The following PAPLN variants were observed in gnomAD, a reference collection of about 807,000 sequenced individuals.
PAPLN encodes the protein papilin.
PAPLN carries 146 observed loss-of-function variants against 159.0 expected under a neutral mutation model. That is an observed-to-expected ratio of 0.92 (90% CI 0.80 to 1.05). The LOEUF is 1.05. Ranked by LOEUF, PAPLN falls within the 50% of genes least tolerant of loss-of-function variation. The pLI is 0.00. For missense variants in PAPLN, 1,720 were observed against 1,743.9 expected (o/e 0.99, Z 0.24); for synonymous variants, 734 against 702.9 (o/e 1.04, Z -0.70).
rs924732301 is a variant in PAPLN, at chr14:73,251,339, G to A, written c.590-147G>A. 2.0e-5 allele frequency: 19 copies of A among 947,862 alleles called. 1 individual carries two copies. Among genetic ancestry groups the A allele is most frequent in the Non-Finnish European group, 2.8e-5 (18 of 642,558 alleles). The allele number at this position is 947,862 out of a possible 1,614,324, so 58.7% of individuals were successfully genotyped here. A position where few individuals can be genotyped will look rare whatever the true frequency, so the allele number is the denominator to read the frequency against. ...TTGTACTGCGGCCTCTTCTGCCAGG[G>A]TTGCCTTTCCCAGCAGCTCGGCCCT... On this transcript the variant is annotated intron_variant, in intron 7 of 26. Transcript: ENST00000644200.
In PAPLN at chr14:73,262,660, G is replaced by C. The variant is rs750816501; in HGVS notation, c.2556G>C (p.Trp852Cys). The C allele has an allele frequency of 1.3e-5, 20 of 1,503,094 alleles. No homozygotes were observed. The highest frequency in any genetic ancestry group is 1.8e-5 in the Non-Finnish European group (20 of 1,123,274). The allele number at this position is 1,503,094 out of a possible 1,614,324, so 93.1% of individuals were successfully genotyped here. Residue 852 changes from tryptophan to cysteine, a missense_variant, in exon 19 of 27, where the codon TGG becomes TGC. By Grantham distance (215) the Trp-to-Cys change is radical. Coordinates refer to ENST00000644200, the MANE Select transcript of PAPLN (RefSeq NM_001365906.3). ...GGGCCGCGGTGCAGAGAAAGCCCTG[G>C]CCTTCTGGTGGTCTCTGGCGGCAAG... ...RTGAAVQRKP[W>C]PSGGLWRQDQ...
Position 73,245,389 on chromosome 14 carries a change from A to G in PAPLN, c.171-247A>G. ...TTCTCTGGGAATCTGCCTAAGATGC[A>G]GTGGAGTGGTCCCGCCTTAAATCCA... On this transcript the variant is annotated intron_variant, in intron 3 of 26. Coordinates refer to ENST00000644200, the MANE Select transcript of PAPLN (RefSeq NM_001365906.3). The surrounding 1 kb of genome is among the most constrained non-coding windows in gnomAD (Gnocchi z 4.2). The G allele has an allele frequency of 1.8e-6, 1 of 540,784 alleles. No homozygotes were observed. Among genetic ancestry groups the G allele is most frequent in the Non-Finnish European group, 3.3e-6 (1 of 301,082 alleles). 33.5% of individuals were successfully genotyped at this position (540,784 alleles called of 1,614,324 possible).
Position 73,245,428 on chromosome 14 carries a change from G to A in PAPLN, c.171-208G>A. ...GCCTTAAATCCAAACTATAGGGTGG[G>A]TAGGGCTCTGAGTCCCGCTTCTCTG... is the stretch of plus-strand genomic sequence containing the variant. On this transcript the variant is annotated intron_variant, in intron 3 of 26. Transcript: ENST00000644200. This position sits in a 1 kb window ranked among gnomAD's most constrained non-coding sequence, Gnocchi z 4.2. The A allele has an allele frequency of 1.7e-6, 1 of 585,084 alleles. No homozygotes were observed. The highest frequency in any genetic ancestry group is 3.0e-6 in the Non-Finnish European group (1 of 328,482). The allele number at this position is 585,084 out of a possible 1,614,324, so 36.2% of individuals were successfully genotyped here.
rs199665723 is a variant in PAPLN at position 73,259,257 on chromosome 14, T to G, written c.1709-12T>G. ...GTGGACGCACTGTGTGTCTTTTGCTTCTTCTTTCTAGACTCCAGAGGCCAG... is the reference window on the plus strand; with the variant it reads ...GTGGACGCACTGTGTGTCTTTTGCTGCTTCTTTCTAGACTCCAGAGGCCAG... On this transcript the variant is annotated splice_polypyrimidine_tract_variant and intron_variant, in intron 15 of 26. Coordinates refer to ENST00000644200, the MANE Select transcript of PAPLN (RefSeq NM_001365906.3). The G allele has an allele frequency of 1.1e-5, 17 of 1,539,154 alleles. No homozygotes were observed. The highest frequency in any genetic ancestry group is 1.3e-5 in the South Asian group (1 of 79,826).
intron 22 of PAPLN, 39 bp downstream of exon 22, chr14:73,264,765 C>T: frequency 6.2e-7 from 1 of 1,608,632 alleles, no homozygotes; most frequent in Non-Finnish European, 8.5e-7. Context: ...TCCCCCACGC[C>T]AGGGCCAGGG....
rs770602211 is a variant in PAPLN, at chr14:73,266,484, C to G, written c.3264-17C>G. 46 of 1,613,182 alleles carry G rather than the reference C, an allele frequency of 2.9e-5. No individual in the cohort carries two copies. The highest frequency in any genetic ancestry group is 3.9e-5 in the Non-Finnish European group (46 of 1,179,612). On this transcript the variant is annotated splice_polypyrimidine_tract_variant and intron_variant, in intron 23 of 26. Coordinates refer to ENST00000644200, the MANE Select transcript of PAPLN (RefSeq NM_001365906.3). ...GGCTCCTTGGGCTGGAGCCAACTGG[C>G]TGTACTTGGTCCCCAGACACCAGCT...
chr14:73,246,326 G>A, intron 5 of PAPLN, 151 bp downstream of exon 5: 1 of 669,964 alleles, frequency 1.5e-6, no homozygotes, highest in Non-Finnish European at 2.2e-6. Context: ...GAACTCCTGG[G>A]CTCAAGGGAT....
intron 10 of PAPLN, 101 bp from the exon 11 acceptor site, chr14:73,252,548 G>C: frequency 6.9e-7 from 1 of 1,449,204 alleles, no homozygotes; most frequent in Non-Finnish European, 9.2e-7. Context: ...AGACTGAATG[G>C]GGATGACCTG....
At chr14:73,248,169 CTGTGTGTG>C (rs776221964) in intron 5 of PAPLN, among the ~76,000 whole-genome samples, 2 of 101,640 alleles carry the variant, frequency 2.0e-5, no homozygotes, top group African/African-American at 8.6e-5. Context: ...CTCATATCCT[CTGTGTGTG>C]TGTGTGTGTG....
At chr14:73,247,392 G>A (rs1884523961) in intron 5 of PAPLN, among the ~76,000 whole-genome samples, 1 of 152,200 alleles carries the variant, frequency 6.6e-6, no homozygotes, top group South Asian at 2.1e-4. Flanking sequence ...CCTGCTTGCG[G>A]CAAATGACCT....
Position 73,245,707 on chromosome 14 carries a change from C to G in PAPLN, c.231+11C>G. Reference sequence around the variant, plus strand: ...TCTTGTCGCACGGAGGTAAAGCTCACGGGGCGCGGGCGAAGGCACCAGCTT... The same window carrying G: ...TCTTGTCGCACGGAGGTAAAGCTCAGGGGGCGCGGGCGAAGGCACCAGCTT... On this transcript the variant is annotated intron_variant, in intron 4 of 26. Coordinates refer to ENST00000644200, the MANE Select transcript of PAPLN (RefSeq NM_001365906.3). This position sits in a 1 kb window ranked among gnomAD's most constrained non-coding sequence, Gnocchi z 4.2. 6.5e-7 allele frequency: 1 copy of G among 1,542,410 alleles called. No homozygotes were observed. Among genetic ancestry groups the G allele is most frequent in the East Asian group, 2.4e-5 (1 of 41,248 alleles).
chr14:73,246,265 C>CAT lies in PAPLN; in HGVS notation c.334+103_334+104dup, dbSNP rs142277220. The CAT allele has an allele frequency of 8.8e-3, 8,687 of 992,388 alleles. 109 individuals are homozygous for CAT. Among genetic ancestry groups the CAT allele is most frequent in the African/African-American group, 0.066 (3,730 of 56,542 alleles). The allele number at this position is 992,388 out of a possible 1,614,324, so 61.5% of individuals were successfully genotyped here. A position where few individuals can be genotyped will look rare whatever the true frequency, so the allele number is the denominator to read the frequency against. On this transcript the variant is annotated intron_variant, in intron 5 of 26. Transcript: ENST00000644200. Reference sequence around the variant, plus strand: ...TATTGCCGTATTATAGAGGCGTTGTCATATATATATATATTAGAGACAGTC... The same window carrying CAT: ...TATTGCCGTATTATAGAGGCGTTGTCATATATATATATATATTAGAGACAGTC...
intron 16 of PAPLN, among the ~76,000 whole-genome samples, chr14:73,260,197 C>T (rs933694319): frequency 5.9e-5 from 9 of 152,164 alleles, no homozygotes; most frequent in South Asian, 4.1e-4. Context: ...TGATGACAAT[C>T]GTGATGGGGT....
chr14:73,239,761 C>T lies in PAPLN; in HGVS notation c.-6-12C>T. On this transcript the variant is annotated splice_polypyrimidine_tract_variant and intron_variant, in intron 1 of 26. Coordinates refer to ENST00000644200, the MANE Select transcript of PAPLN (RefSeq NM_001365906.3). ...AGCCCCGGGCCGCTCTAACCCAATG[C>T]GTCTCCCGCAGGCTGAGATGCGGCT... 2 of 1,583,554 alleles carry T rather than the reference C, an allele frequency of 1.3e-6. No individual in the cohort carries two copies. The highest frequency in any genetic ancestry group is 2.3e-5 in the East Asian group (1 of 44,152).
chr14:73,256,043 G>C (rs1008320687), intron 14 of PAPLN, among the ~76,000 whole-genome samples: 2 of 152,204 alleles, frequency 1.3e-5, no homozygotes, highest in Admixed American at 1.3e-4. Flanking sequence ...GAGGCCTTGT[G>C]GGGGAGCTCG....
intron 1 of PAPLN, 78 bp from the exon 2 acceptor site, chr14:73,239,695 C>T: frequency 6.5e-6 from 10 of 1,527,240 alleles, no homozygotes; most frequent in South Asian, 1.2e-5. Flanking sequence ...TAGGGAGAGA[C>T]GCGCCCACAC....
At chr14:73,254,425 A>C in intron 12 of PAPLN, 88 bp from the exon 13 acceptor site, 1 of 1,525,204 alleles carries the variant, frequency 6.6e-7, no homozygotes, top group Non-Finnish European at 8.9e-7. Flanking sequence ...ATCTGCCTCC[A>C]CACCAGGCTG....
In PAPLN at chr14:73,253,838, C is replaced by T. The variant is rs145030220; in HGVS notation, c.1179C>T (p.Asp393=). 138 of 1,613,578 alleles carry T rather than the reference C, an allele frequency of 8.6e-5. No individual in the cohort carries two copies. The highest frequency in any genetic ancestry group is 8.2e-4 in the Middle Eastern group (5 of 6,080). The change falls in exon 12 of 27, where the codon GAC becomes GAT. Residue 393 remains aspartate (D), a synonymous_variant. Transcript: ENST00000644200. ...QSRSVYCISS[D]GAGIQEAVEE... ...GCTCCGTGTACTGCATCTCGTCTGA[C>T]GGGGCCGGCATCCAGGAGGCCGTGG...
At chr14:73,248,582 T>C (rs990243532) in intron 5 of PAPLN, among the ~76,000 whole-genome samples, 2 of 152,106 alleles carry the variant, frequency 1.3e-5, no homozygotes, top group Non-Finnish European at 2.9e-5. Context: ...GGCAGGAGGA[T>C]CACTTGAGTC....
Sources: gnomAD v4.1 joint callset for allele counts (sites outside exome capture counted in the v4.1 genomes callset) on GRCh38, gnomAD v4.1.1 for gene constraint, Gnocchi (gnomAD v3.1) non-coding constraint, MANE v1.5 for transcripts, NCBI Gene and HGNC (gene_info 2026-07-23, HGNC 2026-07-21) for gene names.